NTNG2: variants seen among roughly 807,000 people sequenced by gnomAD.
The protein encoded by NTNG2 is netrin G2, also known as netrin-G2.
A neutral mutation model predicts 47.6 loss-of-function variants in NTNG2; 15 were observed. The observed-to-expected ratio is 0.32, with a 90% confidence interval of 0.21 to 0.49. NTNG2 has a LOEUF of 0.49. NTNG2 is among the 20% of genes least tolerant of loss of function. The pLI is 0.99. For missense variants in NTNG2, 578 were observed against 764.6 expected, an observed-to-expected ratio of 0.76 and a Z score of 2.88; for synonymous variants, 307 against 324.6, an observed-to-expected ratio of 0.95 and a Z score of 0.58.
At chr9:132,191,329 T>C (rs1837871333) in intron 2 of NTNG2, among the ~76,000 whole-genome samples, 1 of 152,156 alleles carries the variant, frequency 6.6e-6, no homozygotes, top group African/African-American at 2.4e-5. Context: ...CCTGAGTTAA[T>C]ACGAAGCTGC....
chr9:132,177,995 C>T (rs1836610858), intron 2 of NTNG2, among the ~76,000 whole-genome samples: 1 of 152,178 alleles, frequency 6.6e-6, no homozygotes. Context: ...ATTCTATGTG[C>T]ACTACTTCAT....
At chr9:132,184,994 T>G (rs1262275249) in intron 2 of NTNG2, among the ~76,000 whole-genome samples, 1 of 152,026 alleles carries the variant, frequency 6.6e-6, no homozygotes, top group African/African-American at 2.4e-5. Flanking sequence ...GGGTTTGGAC[T>G]TAAGAAGGGG....
chr9:132,241,603 A>G (rs1841990344), intron 7 of NTNG2: 1 of 458,540 alleles, frequency 2.2e-6, no homozygotes, highest in Non-Finnish European at 3.9e-6. Flanking sequence ...GCACGTGCAC[A>G]GCTCTGGAGA....
At chr9:132,164,887 G>GGCGA (rs1229066588) in intron 1 of NTNG2, among the ~76,000 whole-genome samples, 1 of 152,166 alleles carries the variant, frequency 6.6e-6, no homozygotes, top group African/African-American at 2.4e-5. Flanking sequence ...AGGTGCTCAG[G>GGCGA]GCGCTCAGGG....
intron 3 of NTNG2, among the ~76,000 whole-genome samples, chr9:132,203,195 C>T (rs1193553761): frequency 1.3e-5 from 2 of 152,060 alleles, no homozygotes; most frequent in African/African-American, 4.8e-5. Flanking sequence ...TACGTGGAAG[C>T]CAGGCATGGT....
In NTNG2 at chr9:132,236,838, C is replaced by T. The variant is rs773280823; in HGVS notation, c.1055-2266C>T. ...TGGGCAGTGGAAGGCAGGTGCCGTC[C>T]GTGTTCCTGGCTTGACAGCACTTGC... is the stretch of plus-strand genomic sequence containing the variant. On this transcript the variant is annotated intron_variant, in intron 5 of 7. Transcript: ENST00000393229. This position sits in a 1 kb window ranked among gnomAD's most constrained non-coding sequence, Gnocchi z 4.3. Among the ~76,000 whole-genome samples, 1 of 152,212 alleles carries T rather than the reference C, an allele frequency of 6.6e-6. No homozygotes were observed. Among genetic ancestry groups the T allele is most frequent in the Non-Finnish European group, 1.5e-5 (1 of 68,044 alleles).
Position 132,205,001 on chromosome 9 carries a change from C to A in NTNG2, c.857+6392C>A, listed in dbSNP as rs574400859. ...AGTGTTGGCAAGGATGTGGAAAAAT[C>A]GGAACCTTCATGCATTGCTGGTGGG... On this transcript the variant is annotated intron_variant, in intron 3 of 7. Transcript: ENST00000393229. Among the ~76,000 whole-genome samples, 213 of 152,268 alleles carry A rather than the reference C, an allele frequency of 1.4e-3. 3 individuals are homozygous for A. Among genetic ancestry groups the A allele is most frequent in the African/African-American group, 5.0e-3 (208 of 41,552 alleles).
intron 2 of NTNG2, among the ~76,000 whole-genome samples, chr9:132,192,357 G>A (rs1342853417): frequency 3.3e-5 from 5 of 152,324 alleles, no homozygotes; most frequent in East Asian, 1.9e-4. Flanking sequence ...TTGGGAGGCC[G>A]AGGTGGGCGG....
chr9:132,195,474 A>ATTTTT (rs56733654), intron 2 of NTNG2, among the ~76,000 whole-genome samples: 12 of 80,128 alleles, frequency 1.5e-4, no homozygotes, highest in Non-Finnish European at 1.7e-4. Flanking sequence ...ACGCCTGGCT[A>ATTTTT]TTTTTTTTTT....
Position 132,163,384 on chromosome 9 carries a change from G to A in NTNG2, c.-484+1145G>A, listed in dbSNP as rs575439692. On this transcript the variant is annotated intron_variant, in intron 1 of 7. Transcript: ENST00000393229. The surrounding 1 kb of genome is among the most constrained non-coding windows in gnomAD (Gnocchi z 7.2). ...GGCTCCCGCGGGCGGGGACCCAGGG[G>A]CCGGATAAAGGGCCCGCTCCGGAGC... 1.3e-3 allele frequency among the ~76,000 whole-genome samples: 203 copies of A among 151,378 alleles called. 10 individuals are homozygous for A. The South Asian group carries it at 0.04, about 30-fold the overall frequency.
Position 132,197,949 on chromosome 9 carries a change from TC to T in NTNG2, c.214-15del. On this transcript the variant is annotated splice_polypyrimidine_tract_variant and intron_variant, in intron 2 of 7. Coordinates refer to ENST00000393229, the MANE Select transcript of NTNG2 (RefSeq NM_032536.4). The surrounding 1 kb of genome is among the most constrained non-coding windows in gnomAD (Gnocchi z 4.3). ...GCATCCAGCACCCACCCTTCCCTTC[TC>T]CTCTCCCCGCTGCAGGAGAATCCCT... 3 of 1,598,086 alleles carry T rather than the reference TC, an allele frequency of 1.9e-6. No homozygotes were observed. Among genetic ancestry groups the T allele is most frequent in the Non-Finnish European group, 2.6e-6 (3 of 1,171,208 alleles).
intron 2 of NTNG2, among the ~76,000 whole-genome samples, chr9:132,171,843 C>T (rs1835938261): frequency 6.6e-6 from 1 of 152,216 alleles, no homozygotes; most frequent in African/African-American, 2.4e-5. Flanking sequence ...ATGGCTCTGG[C>T]CTCCTTCCCC....
chr9:132,188,914 A>G, intron 2 of NTNG2, among the ~76,000 whole-genome samples: 1 of 152,156 alleles, frequency 6.6e-6, no homozygotes, highest in Non-Finnish European at 1.5e-5. Context: ...CTCCCCTCCA[A>G]CAGAGAAGCT....
chr9:132,161,745 C>T (rs1326201744), upstream of NTNG2: 2 of 151,928 alleles, frequency 1.3e-5, no homozygotes, highest in Admixed American at 6.6e-5. This position sits in a 1 kb window ranked among gnomAD's most constrained non-coding sequence, Gnocchi z 7.2. Flanking sequence ...AGGATTTAGC[C>T]TCGGCATTAA....
At chr9:132,184,578 C>T (rs1221289755) in intron 2 of NTNG2, among the ~76,000 whole-genome samples, 1 of 152,222 alleles carries the variant, frequency 6.6e-6, no homozygotes, top group Non-Finnish European at 1.5e-5. Context: ...AACCTGAAAG[C>T]TCCGCGGGGT....
Position 132,242,060 on chromosome 9 carries a change from C to T in NTNG2, c.1542C>T (p.Thr514=), listed in dbSNP as rs1360461583. Residue 514 remains threonine (T), a synonymous_variant, in exon 8 of 8, where the codon ACC becomes ACT. Coordinates refer to ENST00000393229, the MANE Select transcript of NTNG2 (RefSeq NM_032536.4). The surrounding 1 kb of genome is among the most constrained non-coding windows in gnomAD (Gnocchi z 5.9). The part of the protein sequence containing the change: ...RAPGAAPRPA[T]LLGCLLLLGL... ...CCGGGGCCGCCCCGCGCCCCGCCAC[C>T]CTGCTCGGCTGCCTGCTGCTGCTGG... The T allele has an allele frequency of 3.5e-5, 43 of 1,231,732 alleles. No homozygotes were observed. Among genetic ancestry groups the T allele is most frequent in the Non-Finnish European group, 4.3e-5 (43 of 989,906 alleles). The allele number at this position is 1,231,732 out of a possible 1,614,324, so 76.3% of individuals were successfully genotyped here. A position where few individuals can be genotyped will look rare whatever the true frequency, so the allele number is the denominator to read the frequency against.
chr9:132,218,653 C>A lies in NTNG2; in HGVS notation c.858-8196C>A, dbSNP rs1402288820. Among the ~76,000 whole-genome samples the A allele has an allele frequency of 6.6e-6, 1 of 152,070 alleles. No individual in the cohort carries two copies. The highest frequency in any genetic ancestry group is 1.9e-4 in the East Asian group (1 of 5,162). ...CTGGGATTACAGGCGCATGCCACCA[C>A]ACCCAGCTAATTTTTGTATTTTTAG... On this transcript the variant is annotated intron_variant, in intron 3 of 7. Coordinates refer to ENST00000393229, the MANE Select transcript of NTNG2 (RefSeq NM_032536.4). The surrounding 1 kb of genome is among the most constrained non-coding windows in gnomAD (Gnocchi z 5.4).
At chr9:132,214,673 C>G (rs1839843806) in intron 3 of NTNG2, among the ~76,000 whole-genome samples, 1 of 152,194 alleles carries the variant, frequency 6.6e-6, no homozygotes, top group Admixed American at 6.5e-5. Context: ...AAGTCAGGGT[C>G]TGAGCAGAGG....
rs1212539252 is a variant in NTNG2 at position 132,231,595 on chromosome 9, A to T, written c.1054+1000A>T. The T allele has an allele frequency of 3.4e-6, 1 of 289,860 alleles. No homozygotes were observed. The highest frequency in any genetic ancestry group is 6.8e-6 in the Non-Finnish European group (1 of 146,270). The allele number at this position is 289,860 out of a possible 1,614,324, so 18.0% of individuals were successfully genotyped here. On this transcript the variant is annotated intron_variant, in intron 5 of 7. Coordinates refer to ENST00000393229, the MANE Select transcript of NTNG2 (RefSeq NM_032536.4). The surrounding 1 kb of genome is among the most constrained non-coding windows in gnomAD (Gnocchi z 4.1). Reference sequence around the variant, plus strand: ...TAAGTTGCTTCTCTGTGGTGTCCCCACCCCGGCAACCCCCCAACCCTCTCT... The same window carrying T: ...TAAGTTGCTTCTCTGTGGTGTCCCCTCCCCGGCAACCCCCCAACCCTCTCT...
Sources: gnomAD v4.1 joint callset for allele counts (sites outside exome capture counted in the v4.1 genomes callset) on GRCh38, gnomAD v4.1.1 for gene constraint, Gnocchi (gnomAD v3.1) non-coding constraint, MANE v1.5 for transcripts, NCBI Gene and HGNC (gene_info 2026-07-23, HGNC 2026-07-21) for gene names.